SGCZ: variants seen among roughly 807,000 people sequenced by gnomAD.
SGCZ encodes the protein sarcoglycan zeta, also known as zeta-sarcoglycan.
SGCZ carries 40 observed loss-of-function variants against 41.3 expected under a neutral mutation model. That is an observed-to-expected ratio of 0.97 (90% CI 0.75 to 1.26). SGCZ has a LOEUF of 1.26. Among genes scored for constraint, SGCZ ranks in the 50% most tolerant of loss-of-function variants. SGCZ has a pLI of 0.00. For synonymous variants in SGCZ, 206 were observed against 137.5 expected (o/e 1.50, Z -3.49); for missense variants, 552 against 369.8 (o/e 1.49, Z -4.04).
intron 3 of SGCZ, among the ~76,000 whole-genome samples, chr8:14,245,347 G>C (rs1452862836): frequency 1.3e-5 from 2 of 152,122 alleles, no homozygotes; most frequent in South Asian, 2.1e-4. Context: ...AATGGGGAAA[G>C]GATTCCCTAT....
intron 1 of SGCZ, among the ~76,000 whole-genome samples, chr8:14,650,584 C>A (rs1272754687): frequency 6.6e-6 from 1 of 152,020 alleles, no homozygotes; most frequent in Non-Finnish European, 1.5e-5. Context: ...TTAGCTCCCA[C>A]TTATAAGTGA....
At chr8:15,231,918 G>A (rs1161850242) in intron 1 of SGCZ, among the ~76,000 whole-genome samples, 8 of 151,994 alleles carry the variant, frequency 5.3e-5, no homozygotes, top group East Asian at 1.9e-4. Context: ...CACCATGCCC[G>A]GCCTAAAATG....
intron 2 of SGCZ, among the ~76,000 whole-genome samples, chr8:14,381,741 G>A (rs564131409): frequency 6.6e-6 from 1 of 151,674 alleles, no homozygotes; most frequent in Admixed American, 6.6e-5. Flanking sequence ...AGCCATGATT[G>A]CGCCACTGCC....
chr8:14,303,293 A>G (rs1386276191), intron 3 of SGCZ, among the ~76,000 whole-genome samples: 1 of 152,206 alleles, frequency 6.6e-6, no homozygotes, highest in Non-Finnish European at 1.5e-5. Context: ...CATGAAATGA[A>G]CATGAATTAC....
chr8:15,191,721 A>G (rs1800547526), intron 1 of SGCZ, among the ~76,000 whole-genome samples: 1 of 152,010 alleles, frequency 6.6e-6, no homozygotes, highest in Non-Finnish European at 1.5e-5. Context: ...GCATGTACAA[A>G]TAATATGCTA....
At chr8:14,266,662 T>G (rs914053567) in intron 3 of SGCZ, among the ~76,000 whole-genome samples, 52 of 152,098 alleles carry the variant, frequency 3.4e-4, no homozygotes, top group African/African-American at 1.0e-3. Flanking sequence ...AGGGACCTGA[T>G]GGGTCATTGT....
chr8:14,732,428 A>G (rs1042571495), intron 1 of SGCZ, among the ~76,000 whole-genome samples: 5 of 152,196 alleles, frequency 3.3e-5, no homozygotes, highest in African/African-American at 1.2e-4. Context: ...ATCAAAACAG[A>G]TGACTGGTTC....
intron 3 of SGCZ, among the ~76,000 whole-genome samples, chr8:14,320,642 G>C (rs959048538): frequency 2.0e-4 from 31 of 152,152 alleles, no homozygotes; most frequent in Admixed American, 2.0e-4. Context: ...GGGAAAAGCA[G>C]AGCCTTATTC....
At chr8:14,334,244 CTTT>C (rs1317144923) in intron 2 of SGCZ, among the ~76,000 whole-genome samples, 1 of 152,074 alleles carries the variant, frequency 6.6e-6, no homozygotes, top group African/African-American at 2.4e-5. Flanking sequence ...AAGACAACAT[CTTT>C]AATTTCCACC....
At chr8:14,257,377 C>T (rs538422210) in intron 3 of SGCZ, among the ~76,000 whole-genome samples, 1 of 151,646 alleles carries the variant, frequency 6.6e-6, no homozygotes, top group Admixed American at 6.6e-5. Flanking sequence ...GAAAACAAAA[C>T]AAAAACACAA....
intron 1 of SGCZ, among the ~76,000 whole-genome samples, chr8:14,727,507 C>A (rs1011147888): frequency 6.7e-6 from 1 of 150,270 alleles, no homozygotes; most frequent in South Asian, 2.1e-4. Flanking sequence ...AAAGCATGTA[C>A]AATAATGCTT....
At chr8:14,805,044 C>T (rs1442060287) in intron 1 of SGCZ, among the ~76,000 whole-genome samples, 10 of 121,498 alleles carry the variant, frequency 8.2e-5, no homozygotes, top group African/African-American at 1.6e-4. Flanking sequence ...GATTTTGTCA[C>T]CACCAGGCCT....
Position 15,124,363 on chromosome 8 carries a change from G to C in SGCZ, c.39+113222C>G, listed in dbSNP as rs567171567. On this transcript the variant is annotated intron_variant, in intron 1 of 7. Coordinates refer to ENST00000382080, the MANE Select transcript of SGCZ (RefSeq NM_139167.4). ...GGCAAGGAAGAATTTCATATTGTGGGAATTGAGGCCACAAGCCTTAATTAT... is the reference window on the plus strand; with the variant it reads ...GGCAAGGAAGAATTTCATATTGTGGCAATTGAGGCCACAAGCCTTAATTAT... Among the ~76,000 whole-genome samples the C allele has an allele frequency of 2.0e-5, 3 of 152,240 alleles. No homozygotes were observed. The East Asian group carries it at 5.8e-4, about 29-fold the overall frequency.
chr8:14,590,228 G>T (rs1434384524), intron 1 of SGCZ, among the ~76,000 whole-genome samples: 3 of 151,926 alleles, frequency 2.0e-5, no homozygotes, highest in Non-Finnish European at 4.4e-5. Flanking sequence ...TAGGACAGAG[G>T]ATATGAATAA....
At chr8:14,531,435 TC>T (rs1419878570) in intron 2 of SGCZ, among the ~76,000 whole-genome samples, 1 of 151,508 alleles carries the variant, frequency 6.6e-6, no homozygotes, top group African/African-American at 2.4e-5. Flanking sequence ...CCTGTAACAT[TC>T]CCTCCCGCTT....
intron 2 of SGCZ, among the ~76,000 whole-genome samples, chr8:14,368,971 G>C (rs189589585): frequency 2.6e-5 from 4 of 151,442 alleles, no homozygotes; most frequent in African/African-American, 9.7e-5. Context: ...TAAGGAAGCA[G>C]GTACATCTGT....
chr8:14,790,004 A>G (rs1800896605), intron 1 of SGCZ, among the ~76,000 whole-genome samples: 1 of 152,226 alleles, frequency 6.6e-6, no homozygotes, highest in South Asian at 2.1e-4. Context: ...TGTAAATAAC[A>G]TATAAATAAT....
chr8:14,891,056 T>G (rs1205084285), intron 1 of SGCZ, among the ~76,000 whole-genome samples: 1 of 152,180 alleles, frequency 6.6e-6, no homozygotes, highest in Non-Finnish European at 1.5e-5. Flanking sequence ...ATGCACCTAA[T>G]CAACCAAAAG....
At chr8:14,437,972 A>T (rs2117358021) in intron 2 of SGCZ, among the ~76,000 whole-genome samples, 1 of 152,136 alleles carries the variant, frequency 6.6e-6, no homozygotes, top group East Asian at 1.9e-4. Context: ...TCTAGAATTT[A>T]TTCAAATAGC....
Sources: gnomAD v4.1 joint callset for allele counts (sites outside exome capture counted in the v4.1 genomes callset) on GRCh38, gnomAD v4.1.1 for gene constraint, MANE v1.5 for transcripts, NCBI Gene and HGNC (gene_info 2026-07-23, HGNC 2026-07-21) for gene names.